The following GRID1 variants were observed in gnomAD, a reference collection of about 807,000 sequenced individuals.
GRID1 encodes the protein glutamate ionotropic receptor delta type subunit 1, also known as glutamate receptor ionotropic, delta-1.
Under a neutral mutation model 98.0 loss-of-function variants are expected in GRID1, and 28 were observed. The ratio of observed to expected loss-of-function variants is 0.29; its 90% CI spans 0.21 to 0.39. The LOEUF (loss-of-function observed/expected upper bound fraction) is 0.39, where lower values mean the gene tolerates loss of function less well. GRID1 is among the 10% of genes least tolerant of loss of function. The pLI is 1.00. For synonymous variants in GRID1, 553 were observed against 538.5 expected (o/e 1.03, Z -0.37); for missense variants, 1,111 against 1,340.5 (o/e 0.83, Z 2.67).
chr10:86,145,143 CA>C (rs1293387059), intron 3 of GRID1, among the ~76,000 whole-genome samples: 2 of 152,242 alleles, frequency 1.3e-5, no homozygotes, highest in African/African-American at 2.4e-5. Context: ...AATCAAGTTG[CA>C]AACAAAAAGT....
At chr10:86,015,992 G>A (rs1842975077) in intron 4 of GRID1, among the ~76,000 whole-genome samples, 2 of 152,056 alleles carry the variant, frequency 1.3e-5, no homozygotes, top group South Asian at 2.1e-4. Context: ...AATGTGTTGA[G>A]GGGTTGCCAC....
intron 13 of GRID1, among the ~76,000 whole-genome samples, chr10:85,640,434 C>T (rs893119197): frequency 1.3e-5 from 2 of 152,170 alleles, no homozygotes; most frequent in Admixed American, 6.5e-5. Flanking sequence ...GTCTACATCC[C>T]CTTCCATATC....
chr10:85,949,556 T>A (rs1009756902), intron 4 of GRID1, among the ~76,000 whole-genome samples: 20 of 152,340 alleles, frequency 1.3e-4, no homozygotes, highest in Admixed American at 5.9e-4. Context: ...ATTTACAGTG[T>A]TTCCAGGTTT....
At chr10:85,846,317 G>A (rs940079750) in intron 8 of GRID1, among the ~76,000 whole-genome samples, 60 of 152,298 alleles carry the variant, frequency 3.9e-4, no homozygotes, top group African/African-American at 1.2e-3. Flanking sequence ...CAGATCACTT[G>A]AGGCTAGGAG....
At chr10:85,607,880 C>T (rs988554720) in intron 15 of GRID1, among the ~76,000 whole-genome samples, 2 of 151,026 alleles carry the variant, frequency 1.3e-5, no homozygotes, top group African/African-American at 4.9e-5. Context: ...TGCAGTGGCC[C>T]AATCTCGGCT....
At chr10:86,180,511 T>G (rs1845640155) in intron 3 of GRID1, among the ~76,000 whole-genome samples, 1 of 151,988 alleles carries the variant, frequency 6.6e-6, no homozygotes, top group South Asian at 2.1e-4. Flanking sequence ...TCAGGGGCAA[T>G]GATGCTTTGA....
chr10:85,720,378 A>G (rs1385186986), intron 12 of GRID1, among the ~76,000 whole-genome samples: 1 of 152,160 alleles, frequency 6.6e-6, no homozygotes, highest in Non-Finnish European at 1.5e-5. Flanking sequence ...AATAATGCTA[A>G]CAAAGAAGAT....
intron 8 of GRID1, among the ~76,000 whole-genome samples, chr10:85,783,021 G>A (rs1282618345): frequency 2.6e-5 from 4 of 152,144 alleles, no homozygotes; most frequent in Non-Finnish European, 4.4e-5. Context: ...CAACAGCTGG[G>A]CCTCATTTTT....
chr10:85,637,797 T>A (rs755067559), intron 13 of GRID1, among the ~76,000 whole-genome samples: 1 of 152,238 alleles, frequency 6.6e-6, no homozygotes, highest in Admixed American at 6.5e-5. Flanking sequence ...CTATCTTGGA[T>A]AGCTTCTTCT....
intron 4 of GRID1, among the ~76,000 whole-genome samples, chr10:86,108,717 C>G (rs1411666962): frequency 6.6e-6 from 1 of 152,196 alleles, no homozygotes; most frequent in Non-Finnish European, 1.5e-5. Context: ...TGATTTCCCA[C>G]TTCCTTTGAT....
intron 8 of GRID1, among the ~76,000 whole-genome samples, chr10:85,755,380 G>A (rs1272530718): frequency 6.6e-6 from 1 of 152,170 alleles, no homozygotes; most frequent in Non-Finnish European, 1.5e-5. Flanking sequence ...TTCTCTCCAC[G>A]TGGTTTCCGT....
chr10:85,866,376 A>T (rs1032361388), intron 6 of GRID1, among the ~76,000 whole-genome samples: 1 of 150,392 alleles, frequency 6.6e-6, no homozygotes, highest in Non-Finnish European at 1.5e-5. Flanking sequence ...CCACCTCCAC[A>T]GTAATGATGA....
At position 86,081,387 on chromosome 10, in the gene GRID1, A is replaced by T. The variant is rs999630373; in HGVS notation, c.726+57432T>A. 3.3e-5 allele frequency among the ~76,000 whole-genome samples: 5 copies of T among 152,186 alleles called. No individual in the cohort carries two copies. In the East Asian group the frequency reaches 9.6e-4, roughly 29 times the overall value. On this transcript the variant is annotated intron_variant, in intron 4 of 15. Transcript: ENST00000327946. Reference sequence around the variant, plus strand: ...TCCACCCTTATGTAGGTGACAGGGAATTATTTCTAGTATCCAAGGGGTTGC... The same window carrying T: ...TCCACCCTTATGTAGGTGACAGGGATTTATTTCTAGTATCCAAGGGGTTGC...
At chr10:86,191,880 T>C (rs983758602) in intron 3 of GRID1, among the ~76,000 whole-genome samples, 1 of 152,104 alleles carries the variant, frequency 6.6e-6, no homozygotes, top group African/African-American at 2.4e-5. Flanking sequence ...GAGTGGGCCA[T>C]GTGTTCCTGA....
chr10:85,902,168 G>T (rs761854362), intron 5 of GRID1, among the ~76,000 whole-genome samples: 1 of 152,150 alleles, frequency 6.6e-6, no homozygotes, highest in Non-Finnish European at 1.5e-5. Flanking sequence ...GATCCCCAGT[G>T]GATGCCTGAA....
chr10:85,957,251 G>C (rs987958250), intron 4 of GRID1, among the ~76,000 whole-genome samples: 1 of 152,182 alleles, frequency 6.6e-6, no homozygotes, highest in African/African-American at 2.4e-5. Context: ...AAAGCTATAG[G>C]ATGAAGCTGG....
intron 4 of GRID1, among the ~76,000 whole-genome samples, chr10:86,110,234 A>T (rs377052799): frequency 1.3e-5 from 2 of 152,144 alleles, no homozygotes; most frequent in East Asian, 3.9e-4. Flanking sequence ...TCGGCCTCCC[A>T]AAGTGTTGGG....
At chr10:86,361,801 C>T (rs1490738610) in intron 2 of GRID1, among the ~76,000 whole-genome samples, 1 of 152,216 alleles carries the variant, frequency 6.6e-6, no homozygotes, top group Non-Finnish European at 1.5e-5. Flanking sequence ...TTTTCACGCC[C>T]AATGGCAAAA....
At chr10:85,846,198 A>G (rs1174698036) in intron 8 of GRID1, among the ~76,000 whole-genome samples, 1 of 152,254 alleles carries the variant, frequency 6.6e-6, no homozygotes, top group Non-Finnish European at 1.5e-5. Flanking sequence ...AAGAAAGAAT[A>G]AAAATAAAAT....
Sources: gnomAD v4.1 joint callset for allele counts (sites outside exome capture counted in the v4.1 genomes callset) on GRCh38, gnomAD v4.1.1 for gene constraint, MANE v1.5 for transcripts, NCBI Gene and HGNC (gene_info 2026-07-23, HGNC 2026-07-21) for gene names.